Variants in STK33 observed in about 807,000 individuals in gnomAD.
The protein encoded by STK33 is serine/threonine kinase 33, also known as serine/threonine-protein kinase 33.
Under a neutral mutation model 58.0 loss-of-function variants are expected in STK33, and 52 were observed. The observed-to-expected ratio is 0.90, with a 90% CI of 0.72 to 1.13. STK33 has a LOEUF of 1.13. Ranked by LOEUF, STK33 falls within the 50% of genes most tolerant of loss-of-function variation. The probability of loss-of-function intolerance (pLI) is 0.00; values close to 1 mark genes in which losing one functional copy is unlikely to be tolerated. For synonymous variants in STK33, 215 were observed against 200.1 expected (o/e 1.07, Z -0.63); for missense variants, 630 against 604.2 (o/e 1.04, Z -0.45).
chr11:8,527,764 C>T (rs1020942067), intron 1 of STK33, among the ~76,000 whole-genome samples: 1 of 152,076 alleles, frequency 6.6e-6, no homozygotes, highest in African/African-American at 2.4e-5. Context: ...CAGAAGCAAC[C>T]ACAATAGCAA....
intron 6 of STK33, among the ~76,000 whole-genome samples, chr11:8,469,482 T>C (rs372543003): frequency 6.6e-6 from 1 of 152,198 alleles, no homozygotes; most frequent in African/African-American, 2.4e-5. Flanking sequence ...CTTTATCCAC[T>C]TAAGACTTGA....
rs770290819 is a variant in STK33 at position 8,589,678 on chromosome 11, G to A, written c.-466+4405C>T. Among the ~76,000 whole-genome samples, 3 of 152,234 alleles carry A rather than the reference G, an allele frequency of 2.0e-5. No individual in the cohort carries two copies. The South Asian group carries it at 6.2e-4, about 32-fold the overall frequency. The stretch of plus-strand genomic sequence containing the variant: ...TATATCTCAATAAAAAAAGTGAGGT[G>A]CAACTATAAAAAGGAGCCAAGTTTA... On this transcript the variant is annotated intron_variant, in intron 1 of 15. Transcript: ENST00000687296.
intron 1 of STK33, among the ~76,000 whole-genome samples, chr11:8,590,853 C>T (rs892849101): frequency 6.6e-6 from 1 of 152,152 alleles, no homozygotes; most frequent in East Asian, 1.9e-4. Flanking sequence ...TTCTGAATCG[C>T]ATCTTAAGGC....
At chr11:8,407,448 G>A (rs1347451594) in intron 15 of STK33, among the ~76,000 whole-genome samples, 2 of 152,052 alleles carry the variant, frequency 1.3e-5, no homozygotes, top group Admixed American at 6.5e-5. Context: ...GAATTAGACA[G>A]TGAAATCATT....
intron 1 of STK33, among the ~76,000 whole-genome samples, chr11:8,567,870 ACTTATTCTTTGGG>A (rs1249799363): frequency 6.6e-6 from 1 of 152,198 alleles, no homozygotes; most frequent in Non-Finnish European, 1.5e-5. Flanking sequence ...TCTATAATTA[ACTTATTCTTTGGG>A]CTTATATTAC....
At chr11:8,489,238 C>G (rs948413208) in intron 1 of STK33, among the ~76,000 whole-genome samples, 1 of 32,090 alleles carries the variant, frequency 3.1e-5, no homozygotes, top group Non-Finnish European at 6.1e-5. Context: ...GCTTGGGTGA[C>G]AAAGCAAGAA....
At chr11:8,548,296 A>G (rs1465840461) in intron 1 of STK33, among the ~76,000 whole-genome samples, 1 of 152,120 alleles carries the variant, frequency 6.6e-6, no homozygotes, top group Non-Finnish European at 1.5e-5. Flanking sequence ...ATGGTGAGAG[A>G]TAGGGATCTA....
chr11:8,501,167 T>C (rs1434925140), intron 1 of STK33, among the ~76,000 whole-genome samples: 3 of 152,146 alleles, frequency 2.0e-5, no homozygotes, highest in Non-Finnish European at 1.5e-5. Context: ...ACCTAAAGCA[T>C]GAGCAACCAA....
intron 1 of STK33, among the ~76,000 whole-genome samples, chr11:8,520,665 C>T (rs143879997): frequency 0.013 from 1,941 of 152,184 alleles, 36 homozygotes; most frequent in South Asian, 0.056. Context: ...ACAAAATCAA[C>T]GGGCAAAAAT....
At chr11:8,496,929 T>C (rs1452452179) in intron 1 of STK33, among the ~76,000 whole-genome samples, 2 of 152,142 alleles carry the variant, frequency 1.3e-5, no homozygotes, top group East Asian at 1.9e-4. Context: ...AAACAAGTAA[T>C]TATTTTTACC....
chr11:8,386,063 G>A, the STK33 span, among the ~76,000 whole-genome samples: 58 of 152,252 alleles, frequency 3.8e-4, no homozygotes, highest in Non-Finnish European at 5.4e-4. Flanking sequence ...GTGAGCCACC[G>A]CGCCCGGCCA....
chr11:8,419,738 T>A (rs1941645570), intron 14 of STK33, among the ~76,000 whole-genome samples: 1 of 152,174 alleles, frequency 6.6e-6, no homozygotes, highest in African/African-American at 2.4e-5. Flanking sequence ...TCCGTTTTTT[T>A]TAAGAAAATC....
chr11:8,391,320 G>C (rs1848618805), downstream of STK33, among the ~76,000 whole-genome samples: 1 of 152,200 alleles, frequency 6.6e-6, no homozygotes, highest in South Asian at 2.1e-4. Context: ...GATATGCCTT[G>C]GCCAGCAGGT....
In STK33 at chr11:8,553,201, G is replaced by GTATATA. The variant is rs60137762; in HGVS notation, c.-466+40876_-466+40881dup. ...ATATATATATATATATATATATGGT[G>GTATATA]TATATATATATATATATATATATGG... On this transcript the variant is annotated intron_variant, in intron 1 of 15. Transcript: ENST00000687296. 1.9e-3 allele frequency among the ~76,000 whole-genome samples: 118 copies of GTATATA among 61,112 alleles called. 5 individuals carry two copies. The highest frequency in any genetic ancestry group is 6.9e-3 in the African/African-American group (85 of 12,270). 40.1% of individuals were successfully genotyped at this position (61,112 alleles called of 152,430 possible).
At chr11:8,555,010 A>T (rs191784377) in intron 1 of STK33, 13 of 152,308 alleles carry the variant, frequency 8.5e-5, no homozygotes, top group African/African-American at 2.6e-4. Context: ...GCACAGAAAG[A>T]CAGAGGACCT....
chr11:8,464,663 T>G (rs1280993937), intron 7 of STK33, 46 bp downstream of exon 7: 7 of 1,395,862 alleles, frequency 5.0e-6, no homozygotes, highest in Non-Finnish European at 7.1e-6. Context: ...ACACCCACCC[T>G]GCACTAACAC....
At chr11:8,553,222 T>C (rs1364100000) in intron 1 of STK33, among the ~76,000 whole-genome samples, 18 of 108,540 alleles carry the variant, frequency 1.7e-4, no homozygotes, top group African/African-American at 6.5e-4. Context: ...TATATATATA[T>C]ATGGTGTGTA....
intron 1 of STK33, among the ~76,000 whole-genome samples, chr11:8,585,555 G>A (rs909187388): frequency 6.6e-6 from 1 of 151,950 alleles, no homozygotes; most frequent in East Asian, 2.0e-4. Context: ...AGCGTTAGAA[G>A]AAGAGCAAGT....
At chr11:8,482,962 A>C (rs1247632958) in intron 1 of STK33, among the ~76,000 whole-genome samples, 7 of 151,968 alleles carry the variant, frequency 4.6e-5, no homozygotes, top group Non-Finnish European at 1.0e-4. Flanking sequence ...CGATCTCCTG[A>C]CCTCATAATC....
Sources: allele counts gnomAD v4.1 joint callset (sites outside exome capture counted in the v4.1 genomes callset), GRCh38; gene constraint gnomAD v4.1.1; transcripts MANE v1.5; gene names NCBI Gene and HGNC (gene_info 2026-07-23, HGNC 2026-07-21).